DAB1: variants seen among roughly 807,000 people sequenced by gnomAD.
The protein encoded by DAB1 is DAB adaptor protein 1.
DAB1 carries 15 observed loss-of-function variants against 64.6 expected under a neutral mutation model. That is an observed-to-expected ratio of 0.23 (90% CI 0.16 to 0.36). The LOEUF is 0.36. Ranked by LOEUF, DAB1 falls within the 10% of genes least tolerant of loss-of-function variation. The probability of loss-of-function intolerance (pLI) is 1.00; values close to 1 mark genes in which losing one functional copy is unlikely to be tolerated. For missense variants in DAB1, 596 were observed against 706.7 expected, an observed-to-expected ratio of 0.84 and a Z score of 1.78; for synonymous variants, 235 against 251.9, an observed-to-expected ratio of 0.93 and a Z score of 0.64.
At chr1:58,187,481 A>T (rs1468672178) in intron 4 of DAB1, among the ~76,000 whole-genome samples, 2 of 151,294 alleles carry the variant, frequency 1.3e-5, no homozygotes, top group Non-Finnish European at 2.9e-5. Flanking sequence ...GTCTGAAAAA[A>T]AAAGAAGCCT....
At chr1:58,151,778 G>C (rs1176100504) in intron 4 of DAB1, among the ~76,000 whole-genome samples, 1 of 152,142 alleles carries the variant, frequency 6.6e-6, no homozygotes, top group Admixed American at 6.6e-5. Flanking sequence ...CCCTTTCCCT[G>C]GAGAGTTAAT....
chr1:57,158,753 A>AACAC (rs1660470951), intron 2 of DAB1, among the ~76,000 whole-genome samples: 1 of 151,810 alleles, frequency 6.6e-6, no homozygotes, highest in African/African-American at 2.4e-5. Context: ...CAAGAGGAAA[A>AACAC]ACACACTTAG....
intron 6 of DAB1, among the ~76,000 whole-genome samples, chr1:57,687,398 A>G (rs1361639127): frequency 1.3e-5 from 2 of 152,104 alleles, no homozygotes; most frequent in Admixed American, 1.3e-4. Context: ...GACAACACAA[A>G]TAAATGGAAA....
intron 5 of DAB1, among the ~76,000 whole-genome samples, chr1:58,110,901 C>T (rs1209436246): frequency 6.6e-6 from 1 of 152,156 alleles, no homozygotes; most frequent in Non-Finnish European, 1.5e-5. Flanking sequence ...ACTCCTCAGG[C>T]CACCAGACTG....
intron 5 of DAB1, among the ~76,000 whole-genome samples, chr1:58,094,574 T>G (rs1207963742): frequency 6.6e-6 from 1 of 152,224 alleles, no homozygotes; most frequent in Non-Finnish European, 1.5e-5. Context: ...TTTCTTCAAG[T>G]GAAGTTAAAC....
chr1:57,284,043 A>G (rs561016398), intron 2 of DAB1, among the ~76,000 whole-genome samples: 1 of 152,338 alleles, frequency 6.6e-6, no homozygotes, highest in South Asian at 2.1e-4. Context: ...TAAAATAAAA[A>G]TGTACTTGCT....
At chr1:57,850,043 G>T (rs1052315731) in intron 1 of DAB1, among the ~76,000 whole-genome samples, 1 of 152,172 alleles carries the variant, frequency 6.6e-6, no homozygotes, top group Non-Finnish European at 1.5e-5. Context: ...CATAGGTGGG[G>T]ATACCTGGCT....
chr1:57,171,367 A>G (rs1661742116), intron 2 of DAB1, among the ~76,000 whole-genome samples: 1 of 152,188 alleles, frequency 6.6e-6, no homozygotes, highest in South Asian at 2.1e-4. Context: ...ATCACTGAGG[A>G]TGTTTGCAGG....
At chr1:58,035,976 G>A (rs1647039228) in intron 5 of DAB1, among the ~76,000 whole-genome samples, 1 of 152,196 alleles carries the variant, frequency 6.6e-6, no homozygotes, top group Non-Finnish European at 1.5e-5. Flanking sequence ...GTGTACGGTT[G>A]ATGTTAAATA....
chr1:57,583,118 C>T (rs1022720235), intron 7 of DAB1, among the ~76,000 whole-genome samples: 5 of 152,082 alleles, frequency 3.3e-5, no homozygotes, highest in African/African-American at 9.7e-5. Context: ...GAACTGCCTA[C>T]CCTACAGTTC....
chr1:57,345,242 G>A (rs944620704), intron 1 of DAB1, among the ~76,000 whole-genome samples: 4 of 152,152 alleles, frequency 2.6e-5, no homozygotes, highest in East Asian at 3.9e-4. Flanking sequence ...CTTTCCTACA[G>A]GCCAGGTGAG....
At chr1:57,414,663 CCTGA>C (rs1415564084) in intron 1 of DAB1, among the ~76,000 whole-genome samples, 5 of 152,196 alleles carry the variant, frequency 3.3e-5, no homozygotes, top group African/African-American at 1.2e-4. Flanking sequence ...TTCCTCCTCT[CCTGA>C]CTATTTGCCA....
At chr1:57,307,806 G>C (rs1055540646) in intron 1 of DAB1, among the ~76,000 whole-genome samples, 2 of 151,736 alleles carry the variant, frequency 1.3e-5, no homozygotes, top group Non-Finnish European at 2.9e-5. Context: ...GTTGAATATA[G>C]ACCATACTCT....
At chr1:57,228,872 T>C (rs1037537631) in intron 2 of DAB1, among the ~76,000 whole-genome samples, 1 of 152,214 alleles carries the variant, frequency 6.6e-6, no homozygotes, top group African/African-American at 2.4e-5. Flanking sequence ...ATTCATTTAA[T>C]AGAATTCTAT....
rs111655701 is a variant in DAB1 at position 57,753,620 on chromosome 1, T to C, written n.552-103955A>G. ...TGTCTGTGACCTGGTAGACTGTTTA[T>C]CTACATCTCTTTCTATGATGTTTAT... On this transcript the variant is annotated intron_variant and non_coding_transcript_variant, in intron 6 of 20. Transcript: ENST00000485760. Among the ~76,000 whole-genome samples, 721 of 152,358 alleles carry C rather than the reference T, an allele frequency of 4.7e-3. 8 individuals carry two copies. The highest frequency in any genetic ancestry group is 0.016 in the African/African-American group (685 of 41,578).
chr1:58,118,503 T>TATACACACAC (rs1341446315), intron 5 of DAB1, among the ~76,000 whole-genome samples: 26 of 53,096 alleles, frequency 4.9e-4, no homozygotes, highest in East Asian at 3.9e-3. Flanking sequence ...TATATATATA[T>TATACACACAC]ACACACACAC....
chr1:57,473,870 G>A (rs75923219), intron 7 of DAB1, among the ~76,000 whole-genome samples: 2 of 152,132 alleles, frequency 1.3e-5, no homozygotes, highest in African/African-American at 2.4e-5. Context: ...CATAATAACC[G>A]TAAAAATGTC....
chr1:57,584,328 T>A (rs1313532849), intron 7 of DAB1, among the ~76,000 whole-genome samples: 1 of 152,248 alleles, frequency 6.6e-6, no homozygotes, highest in Non-Finnish European at 1.5e-5. Context: ...AAATTGTTCA[T>A]TGCTCAATTA....
At chr1:58,265,596 A>G (rs1661140506) in intron 4 of DAB1, among the ~76,000 whole-genome samples, 1 of 152,264 alleles carries the variant, frequency 6.6e-6, no homozygotes, top group South Asian at 2.1e-4. Context: ...ATTACATGAA[A>G]GAATATTAAT....
Sources: allele counts gnomAD v4.1 joint callset (sites outside exome capture counted in the v4.1 genomes callset), GRCh38; gene constraint gnomAD v4.1.1; transcripts MANE v1.5; gene names NCBI Gene and HGNC (gene_info 2026-07-23, HGNC 2026-07-21).